RBFOX1: variants seen among roughly 807,000 people sequenced by gnomAD.
RBFOX1 encodes RNA binding fox-1 homolog 1, also known as RNA binding protein fox-1 homolog 1.
A neutral mutation model predicts 57.7 loss-of-function variants in RBFOX1; 8 were observed. The observed-to-expected ratio is 0.14, with a 90% CI of 0.08 to 0.25. RBFOX1 has a LOEUF of 0.25. Among genes scored for constraint, RBFOX1 ranks in the 10% least tolerant of loss-of-function variants. RBFOX1 has a pLI of 1.00. For synonymous variants in RBFOX1, 326 were observed against 222.4 expected, an observed-to-expected ratio of 1.47 and a Z score of -4.15; for missense variants, 611 against 548.5, an observed-to-expected ratio of 1.11 and a Z score of -1.14.
chr16:5,360,818 T>C (rs1216935283), intron 1 of RBFOX1, among the ~76,000 whole-genome samples: 1 of 152,188 alleles, frequency 6.6e-6, no homozygotes, highest in Non-Finnish European at 1.5e-5. Context: ...TTCTTCCATC[T>C]TTGCCTCTTT....
chr16:5,585,749 C>G (rs998121126), intron 2 of RBFOX1, among the ~76,000 whole-genome samples: 2 of 152,226 alleles, frequency 1.3e-5, no homozygotes, highest in African/African-American at 4.8e-5. Flanking sequence ...TACCATCTAA[C>G]TGTATGTGGC....
At chr16:6,698,400 C>T (rs1009955172) in intron 3 of RBFOX1, among the ~76,000 whole-genome samples, 7 of 152,172 alleles carry the variant, frequency 4.6e-5, no homozygotes, top group African/African-American at 1.7e-4. Context: ...GCTACAAAAA[C>T]TAGAGATTCT....
chr16:6,605,913 A>C (rs1368152741), intron 2 of RBFOX1, among the ~76,000 whole-genome samples: 1 of 152,102 alleles, frequency 6.6e-6, no homozygotes, highest in Admixed American at 6.6e-5. Context: ...CAGCCTGGCC[A>C]ACATGGTGAA....
intron 1 of RBFOX1, among the ~76,000 whole-genome samples, chr16:5,352,979 A>G (rs1461707627): frequency 6.6e-6 from 1 of 152,172 alleles, no homozygotes; most frequent in Non-Finnish European, 1.5e-5. Context: ...CATACTTCGT[A>G]GTCAAATTCC....
At chr16:5,293,787 G>A (rs1012485613) in intron 1 of RBFOX1, among the ~76,000 whole-genome samples, 3 of 151,354 alleles carry the variant, frequency 2.0e-5, no homozygotes, top group Non-Finnish European at 4.4e-5. Context: ...GATGGATACA[G>A]GGTTATTTTT....
chr16:6,544,127 C>G (rs926661358), intron 2 of RBFOX1, among the ~76,000 whole-genome samples: 2 of 152,170 alleles, frequency 1.3e-5, no homozygotes, highest in Non-Finnish European at 2.9e-5. Flanking sequence ...CTTTGCATCC[C>G]CAGCACCAGT....
chr16:6,640,346 C>T (rs1466944781), intron 2 of RBFOX1, among the ~76,000 whole-genome samples: 5 of 152,050 alleles, frequency 3.3e-5, no homozygotes, highest in East Asian at 1.9e-4. Flanking sequence ...TAGTGGCTCA[C>T]ATCTGTAATC....
At chr16:7,173,284 G>A (rs1013587162) in intron 4 of RBFOX1, among the ~76,000 whole-genome samples, 3 of 152,140 alleles carry the variant, frequency 2.0e-5, no homozygotes, top group Non-Finnish European at 4.4e-5. Flanking sequence ...AATCCAACGT[G>A]CATTTAGAAA....
intron 2 of RBFOX1, among the ~76,000 whole-genome samples, chr16:6,460,333 A>C (rs2094887825): frequency 6.6e-6 from 1 of 152,132 alleles, no homozygotes. Flanking sequence ...GATGAGAGAA[A>C]ATTTTTGCAA....
At chr16:7,494,051 CCG>C in intron 4 of RBFOX1, among the ~76,000 whole-genome samples, 1 of 152,242 alleles carries the variant, frequency 6.6e-6, no homozygotes, top group Non-Finnish European at 1.5e-5. Context: ...GATTTCTTCT[CCG>C]AGAGTGGTTA....
intron 5 of RBFOX1, chr16:7,519,647 T>A: frequency 5.1e-6 from 5 of 976,622 alleles, no homozygotes; most frequent in Non-Finnish European, 6.1e-6. Flanking sequence ...TTTGGGAACC[T>A]TTTTCTGCAG....
At chr16:5,273,711 C>T (rs1028892962) in intron 1 of RBFOX1, among the ~76,000 whole-genome samples, 6 of 152,060 alleles carry the variant, frequency 3.9e-5, no homozygotes, top group African/African-American at 1.4e-4. Flanking sequence ...GGGGCTGAGT[C>T]TGTGGGTCAG....
intron 1 of RBFOX1, among the ~76,000 whole-genome samples, chr16:5,354,674 G>A (rs2065343404): frequency 6.6e-6 from 1 of 152,236 alleles, no homozygotes; most frequent in Non-Finnish European, 1.5e-5. Flanking sequence ...TTTGTGTAGG[G>A]CAGCTCTTTT....
chr16:6,324,223 GAACTACATAACTCTT>G (rs1164017650), intron 2 of RBFOX1, among the ~76,000 whole-genome samples: 8 of 123,214 alleles, frequency 6.5e-5, no homozygotes, highest in Non-Finnish European at 1.3e-4. Flanking sequence ...CCATTTACAA[GAACTACATAACTCTT>G]AACAACACAT....
At chr16:6,847,540 A>G (rs2093822561) in intron 3 of RBFOX1, among the ~76,000 whole-genome samples, 1 of 152,154 alleles carries the variant, frequency 6.6e-6, no homozygotes, top group East Asian at 1.9e-4. Flanking sequence ...CTGATGGCAC[A>G]GTCAAGGTGT....
At chr16:6,069,165 G>A (rs893031661) in intron 1 of RBFOX1, among the ~76,000 whole-genome samples, 81 of 152,186 alleles carry the variant, frequency 5.3e-4, no homozygotes, top group African/African-American at 1.9e-3. Context: ...TTGGGAGGCC[G>A]AGGCGGATGG....
intron 1 of RBFOX1, among the ~76,000 whole-genome samples, chr16:5,336,506 C>T (rs960311102): frequency 6.6e-6 from 1 of 152,168 alleles, no homozygotes; most frequent in Non-Finnish European, 1.5e-5. Flanking sequence ...TCAGAATTAT[C>T]TGTGTGTGGA....
Position 7,260,358 on chromosome 16 carries a change from C to G in RBFOX1, c.27+208260C>G, listed in dbSNP as rs557179398. ...TGTGTTTTGTTAAAATTTTATTAAA[C>G]GCCGCTCTTAAAAATTAAGCAAGAA... On this transcript the variant is annotated intron_variant, in intron 4 of 15. Coordinates refer to ENST00000550418, the MANE Select transcript of RBFOX1 (RefSeq NM_018723.4). Among the ~76,000 whole-genome samples the G allele has an allele frequency of 6.6e-5, 10 of 152,244 alleles. No homozygotes were observed. The East Asian group carries it at 1.9e-3, about 29-fold the overall frequency.
At chr16:7,670,132 A>C (rs1328189648) in intron 13 of RBFOX1, among the ~76,000 whole-genome samples, 2 of 152,178 alleles carry the variant, frequency 1.3e-5, no homozygotes, top group African/African-American at 2.4e-5. Flanking sequence ...CCCAGGTTCA[A>C]GCAATTCTCC....
Sources: allele counts gnomAD v4.1 joint callset (sites outside exome capture counted in the v4.1 genomes callset), GRCh38; gene constraint gnomAD v4.1.1; transcripts MANE v1.5; gene names NCBI Gene and HGNC (gene_info 2026-07-23, HGNC 2026-07-21).